SLC9A9: variants seen among roughly 807,000 people sequenced by gnomAD.
SLC9A9 encodes the protein sodium/hydrogen exchanger 9.
A neutral mutation model predicts 77.8 loss-of-function variants in SLC9A9; 62 were observed. That is an observed-to-expected ratio of 0.80 (90% CI 0.65 to 0.98). The LOEUF is 0.98. Ranked by LOEUF, SLC9A9 falls within the 50% of genes least tolerant of loss-of-function variation. SLC9A9 has a pLI of 0.00. For synonymous variants in SLC9A9, 320 were observed against 283.5 expected, an observed-to-expected ratio of 1.13 and a Z score of -1.29; for missense variants, 775 against 774.9, an observed-to-expected ratio of 1.00 and a Z score of 0.00.
chr3:143,382,199 A>G, intron 12 of SLC9A9, 85 bp from the exon 13 acceptor site: 1 of 1,372,692 alleles, frequency 7.3e-7, no homozygotes. Context: ...TAACCCAAAC[A>G]CAATGTGAAT....
intron 1 of SLC9A9, among the ~76,000 whole-genome samples, chr3:143,837,545 C>A (rs2009598320): frequency 1.3e-5 from 2 of 152,102 alleles, no homozygotes; most frequent in African/African-American, 4.8e-5. Flanking sequence ...TATATAATAT[C>A]ATATTTCAAA....
At chr3:143,708,987 G>A (rs1039717387) in intron 4 of SLC9A9, among the ~76,000 whole-genome samples, 3 of 152,202 alleles carry the variant, frequency 2.0e-5, no homozygotes, top group Admixed American at 6.5e-5. Flanking sequence ...TTGAAGGTGA[G>A]TCTATCCTGA....
rs2036627585 is a variant in SLC9A9 at position 143,538,300 on chromosome 3, A to G, written c.1089+14062T>C. 3.3e-5 allele frequency among the ~76,000 whole-genome samples: 5 copies of G among 152,212 alleles called. No homozygotes were observed. In the South Asian group the frequency reaches 1.0e-3, roughly 31 times the overall value. ...TGCTTGGATGAAGCAAAAGACCCCT[A>G]TAGACCTCAACTTGGTACTATAAGA... On this transcript the variant is annotated intron_variant, in intron 9 of 15. Coordinates refer to ENST00000316549, the MANE Select transcript of SLC9A9 (RefSeq NM_173653.4).
intron 9 of SLC9A9, chr3:143,503,138 C>A (rs891146843): frequency 1.8e-5 from 3 of 164,964 alleles, no homozygotes; most frequent in Non-Finnish European, 3.9e-5. Context: ...CCCTCCCATT[C>A]TTCAGAGGGT....
chr3:143,844,638 G>A (rs986050201), intron 1 of SLC9A9, among the ~76,000 whole-genome samples: 1 of 152,152 alleles, frequency 6.6e-6, no homozygotes, highest in African/African-American at 2.4e-5. Flanking sequence ...GTAGCACGGA[G>A]ATGACTGTTA....
chr3:143,351,853 C>A (rs2032463433), intron 14 of SLC9A9, among the ~76,000 whole-genome samples: 1 of 152,036 alleles, frequency 6.6e-6, no homozygotes, highest in African/African-American at 2.4e-5. Flanking sequence ...TTGCAAAGTG[C>A]CTGTACAATT....
At chr3:143,550,359 C>T (rs2036859254) in intron 9 of SLC9A9, among the ~76,000 whole-genome samples, 1 of 152,184 alleles carries the variant, frequency 6.6e-6, no homozygotes, top group Non-Finnish European at 1.5e-5. Flanking sequence ...ATCATTCAGT[C>T]CAATTCTCCA....
intron 9 of SLC9A9, among the ~76,000 whole-genome samples, chr3:143,528,609 C>T (rs1348569858): frequency 6.6e-6 from 1 of 152,130 alleles, no homozygotes; most frequent in Non-Finnish European, 1.5e-5. Flanking sequence ...GCAAACAGAA[C>T]ATCAAGCTGC....
intron 14 of SLC9A9, among the ~76,000 whole-genome samples, chr3:143,303,855 G>A (rs893331595): frequency 5.3e-5 from 8 of 152,250 alleles, no homozygotes; most frequent in South Asian, 2.1e-4. Flanking sequence ...GATTCAGGCC[G>A]GCAGAGGCAC....
Position 143,834,166 on chromosome 3 carries a change from C to T in SLC9A9, c.176-1945G>A, listed in dbSNP as rs540046330. 2.0e-5 allele frequency among the ~76,000 whole-genome samples: 3 copies of T among 152,258 alleles called. No individual in the cohort carries two copies. In the South Asian group the frequency reaches 6.2e-4, roughly 32 times the overall value. ...TTCCTGCTTCAGTGTTTGGCTGACT[C>T]CTCCAGAGTAATTAGAAAAATTGTA... On this transcript the variant is annotated intron_variant, in intron 1 of 15. Transcript: ENST00000316549.
chr3:143,453,018 A>G (rs1576508385), intron 12 of SLC9A9, among the ~76,000 whole-genome samples: 1 of 152,148 alleles, frequency 6.6e-6, no homozygotes, highest in East Asian at 1.9e-4. Flanking sequence ...TATTATGTAT[A>G]TATATGGAAA....
chr3:143,363,712 C>T, intron 13 of SLC9A9, 149 bp from the exon 14 acceptor site: 1 of 658,854 alleles, frequency 1.5e-6, no homozygotes, highest in Non-Finnish European at 2.6e-6. Flanking sequence ...AAGCAGTTTC[C>T]AGGCAAATTA....
intron 6 of SLC9A9, among the ~76,000 whole-genome samples, chr3:143,618,182 G>A (rs1332141209): frequency 6.6e-6 from 1 of 152,176 alleles, no homozygotes; most frequent in Non-Finnish European, 1.5e-5. Context: ...CATTTCCTGA[G>A]CCCTCTTAGG....
intron 6 of SLC9A9, among the ~76,000 whole-genome samples, chr3:143,592,530 A>T (rs944159729): frequency 6.6e-6 from 1 of 152,236 alleles, no homozygotes; most frequent in Non-Finnish European, 1.5e-5. Flanking sequence ...AACACAATTA[A>T]ATTAATGATA....
intron 12 of SLC9A9, among the ~76,000 whole-genome samples, chr3:143,419,816 T>C (rs114972908): frequency 0.028 from 4,314 of 152,286 alleles, 222 homozygotes; most frequent in African/African-American, 0.099. Flanking sequence ...AGGTTGATGA[T>C]GCTGAATTTA....
At chr3:143,411,712 A>G (rs2108520008) in intron 12 of SLC9A9, among the ~76,000 whole-genome samples, 1 of 152,266 alleles carries the variant, frequency 6.6e-6, no homozygotes, top group East Asian at 1.9e-4. Context: ...TAACGCTGCC[A>G]TCCCTGGTTG....
Position 143,848,300 on chromosome 3 carries a change from A to T in SLC9A9, c.23T>A (p.Met8Lys). ...AAACTGATACTCATCCTTTTCTGACATAACCCTTGACTGTCTCTCCATTCC... is the reference window on the plus strand; with the variant it reads ...AAACTGATACTCATCCTTTTCTGACTTAACCCTTGACTGTCTCTCCATTCC... MERQSRVMSEKDEYQFQH... is the reference protein window; with the variant it reads MERQSRVKSEKDEYQFQH... Residue 8 changes from methionine (M) to lysine (K), a missense_variant, in exon 1 of 16, where the codon ATG (methionine) becomes AAG (lysine). By Grantham distance (95) the Met-to-Lys change is moderately conservative. Transcript: ENST00000316549. 6.2e-7 allele frequency: 1 copy of T among 1,614,012 alleles called. No individual in the cohort carries two copies. The highest frequency in any genetic ancestry group is 8.5e-7 in the Non-Finnish European group (1 of 1,179,894).
At chr3:143,461,552 G>A (rs769937073) in intron 12 of SLC9A9, among the ~76,000 whole-genome samples, 8 of 152,094 alleles carry the variant, frequency 5.3e-5, no homozygotes, top group African/African-American at 1.7e-4. Flanking sequence ...TATAATGTTC[G>A]AAAGGGGTAG....
At chr3:143,482,454 C>T (rs571079632) in intron 11 of SLC9A9, among the ~76,000 whole-genome samples, 11 of 152,210 alleles carry the variant, frequency 7.2e-5, no homozygotes, top group Non-Finnish European at 1.6e-4. Flanking sequence ...TCAATGCCTT[C>T]TCAAAAGTGC....
Sources: allele counts gnomAD v4.1 joint callset (sites outside exome capture counted in the v4.1 genomes callset), GRCh38; gene constraint gnomAD v4.1.1; transcripts MANE v1.5; gene names NCBI Gene and HGNC (gene_info 2026-07-23, HGNC 2026-07-21).